The following SUFU variants were observed in gnomAD, a reference collection of about 807,000 sequenced individuals.
SUFU encodes SUFU negative regulator of hedgehog signaling.
A neutral mutation model predicts 58.9 loss-of-function variants in SUFU; 7 were observed. That is an observed-to-expected ratio of 0.12 (90% CI 0.07 to 0.22). The LOEUF is 0.22. Ranked by LOEUF, SUFU falls within the 10% of genes least tolerant of loss-of-function variation. The pLI, the probability that SUFU is intolerant of heterozygous loss-of-function variation, is 1.00. For synonymous variants in SUFU, 232 were observed against 254.8 expected (o/e 0.91, Z 0.85); for missense variants, 451 against 641.3 (o/e 0.70, Z 3.20).
intron 3 of SUFU, among the ~76,000 whole-genome samples, chr10:102,581,129 G>A (rs1295797224): frequency 7.4e-6 from 1 of 134,702 alleles, no homozygotes; most frequent in East Asian, 2.3e-4. Context: ...GCAGTGAGCC[G>A]AGATTGTGTC....
chr10:102,610,698 C>T (rs757243104), intron 8 of SUFU, among the ~76,000 whole-genome samples: 6 of 152,102 alleles, frequency 3.9e-5, no homozygotes, highest in African/African-American at 9.7e-5. Context: ...ACATCGATGA[C>T]GAATTTATCA....
At chr10:102,536,322 A>C (rs2062739716) in intron 2 of SUFU, among the ~76,000 whole-genome samples, 1 of 151,346 alleles carries the variant, frequency 6.6e-6, no homozygotes, top group African/African-American at 2.4e-5. Context: ...AGTTTGAAAA[A>C]CAAAAATTAT....
chr10:102,556,599 C>T (rs1388335306), intron 3 of SUFU, among the ~76,000 whole-genome samples: 4 of 151,814 alleles, frequency 2.6e-5, no homozygotes, highest in Admixed American at 6.6e-5. Flanking sequence ...AAAAATTAGC[C>T]GGGAGTGCTG....
At chr10:102,557,304 G>C (rs950202263) in intron 3 of SUFU, among the ~76,000 whole-genome samples, 3 of 151,874 alleles carry the variant, frequency 2.0e-5, no homozygotes, top group Non-Finnish European at 4.4e-5. Flanking sequence ...AGGGCCAGGC[G>C]TGGTGGCTCA....
At chr10:102,612,207 G>C (rs1050855962) in intron 8 of SUFU, among the ~76,000 whole-genome samples, 8 of 116,858 alleles carry the variant, frequency 6.8e-5, no homozygotes, top group African/African-American at 2.5e-4. Flanking sequence ...GTGTGTGTGT[G>C]TGCACGCGCA....
rs767930083 is a variant in SUFU at position 102,619,073 on chromosome 10, C to G, written c.1296+1645C>G. The G allele has an allele frequency of 6.2e-7, 1 of 1,612,452 alleles. No homozygotes were observed. Among genetic ancestry groups the G allele is most frequent in the Admixed American group, 1.7e-5 (1 of 59,994 alleles). ...TATGTTTGACATCCTCAGCTCTGAA[C>G]CTATCCTCGGAGCTCTGCCCTCCCG... On this transcript the variant is annotated intron_variant, in intron 10 of 11. Transcript: ENST00000369902. The surrounding 1 kb of genome is among the most constrained non-coding windows in gnomAD (Gnocchi z 4.2).
Position 102,619,498 on chromosome 10 carries a change from C to T in SUFU, c.1296+2070C>T. 5.2e-6 allele frequency: 6 copies of T among 1,151,686 alleles called. No homozygotes were observed. The highest frequency in any genetic ancestry group is 5.4e-6 in the Non-Finnish European group (5 of 931,786). The allele number at this position is 1,151,686 out of a possible 1,614,324, so 71.3% of individuals were successfully genotyped here. ...TGTGTTATGGGCTCATTAGTGTGGT[C>T]CACCACGGGGCCGGCTCACAGGAGA... On this transcript the variant is annotated intron_variant, in intron 10 of 11. Coordinates refer to ENST00000369902, the MANE Select transcript of SUFU (RefSeq NM_016169.4). This position sits in a 1 kb window ranked among gnomAD's most constrained non-coding sequence, Gnocchi z 4.2.
At chr10:102,599,805 C>T (rs970957544) in intron 8 of SUFU, among the ~76,000 whole-genome samples, 1 of 152,204 alleles carries the variant, frequency 6.6e-6, no homozygotes, top group African/African-American at 2.4e-5. Context: ...GACAGGAGGC[C>T]AGGTTGGGGA....
chr10:102,607,946 G>A (rs2063579501), intron 8 of SUFU, among the ~76,000 whole-genome samples: 1 of 150,126 alleles, frequency 6.7e-6, no homozygotes, highest in Non-Finnish European at 1.5e-5. Flanking sequence ...AAAAGAAAAG[G>A]AAACACCGGG....
At chr10:102,548,499 C>G (rs2062876898) in intron 2 of SUFU, among the ~76,000 whole-genome samples, 1 of 152,192 alleles carries the variant, frequency 6.6e-6, no homozygotes, top group Admixed American at 6.5e-5. Context: ...CTCTGATCAC[C>G]TGTTTCAGGA....
intron 3 of SUFU, among the ~76,000 whole-genome samples, chr10:102,567,272 A>G (rs2063101463): frequency 6.6e-6 from 1 of 151,878 alleles, no homozygotes; most frequent in African/African-American, 2.4e-5. Context: ...CGGCCTCCCA[A>G]AGTGCTGGGA....
intron 10 of SUFU, among the ~76,000 whole-genome samples, chr10:102,626,964 T>G (rs963034651): frequency 6.6e-6 from 1 of 151,968 alleles, no homozygotes; most frequent in African/African-American, 2.4e-5. Flanking sequence ...ACCCCTTTCC[T>G]TCTATGCCTC....
At chr10:102,611,402 G>A (rs1466791027) in intron 8 of SUFU, among the ~76,000 whole-genome samples, 1 of 152,220 alleles carries the variant, frequency 6.6e-6, no homozygotes, top group East Asian at 1.9e-4. Context: ...CTGTTGGACT[G>A]TAGTTGGGCC....
chr10:102,594,509 C>T (rs1225248117), intron 6 of SUFU, among the ~76,000 whole-genome samples: 1 of 152,096 alleles, frequency 6.6e-6, no homozygotes, highest in Non-Finnish European at 1.5e-5. Context: ...GCTGATTGGT[C>T]TAATGGTCCT....
chr10:102,554,920 G>A (rs764630855), intron 3 of SUFU, among the ~76,000 whole-genome samples: 23 of 152,190 alleles, frequency 1.5e-4, no homozygotes, highest in Non-Finnish European at 2.8e-4. Flanking sequence ...TGCCTGGTAC[G>A]CAGTAAGTAC....
At chr10:102,546,955 G>A (rs573793943) in intron 2 of SUFU, among the ~76,000 whole-genome samples, 4 of 152,362 alleles carry the variant, frequency 2.6e-5, no homozygotes, top group East Asian at 1.9e-4. Flanking sequence ...CTCTAGGCGC[G>A]TGTGCACGGA....
intron 3 of SUFU, among the ~76,000 whole-genome samples, chr10:102,560,742 A>G (rs1248029969): frequency 6.6e-6 from 1 of 152,124 alleles, no homozygotes; most frequent in Non-Finnish European, 1.5e-5. Context: ...CCAGTCTTCT[A>G]TTGTTAGACA....
intron 8 of SUFU, among the ~76,000 whole-genome samples, chr10:102,614,153 C>T (rs781034815): frequency 1.8e-4 from 27 of 152,218 alleles, no homozygotes; most frequent in Non-Finnish European, 3.2e-4. Context: ...AGCCGCATCT[C>T]ATGGTGCTCA....
At chr10:102,616,875 G>A (rs888758352) in intron 9 of SUFU, among the ~76,000 whole-genome samples, 2 of 152,186 alleles carry the variant, frequency 1.3e-5, no homozygotes, top group Non-Finnish European at 2.9e-5. Flanking sequence ...ATCGTCCCAG[G>A]GAAACTTGTC....
Sources: allele counts gnomAD v4.1 joint callset (sites outside exome capture counted in the v4.1 genomes callset), GRCh38; gene constraint gnomAD v4.1.1; non-coding constraint Gnocchi (gnomAD v3.1); transcripts MANE v1.5; gene names NCBI Gene and HGNC (gene_info 2026-07-23, HGNC 2026-07-21).